Variants in GRM1 observed in about 807,000 individuals in gnomAD.
GRM1 encodes metabotropic glutamate receptor 1.
In GRM1, 33 loss-of-function variants were observed where a neutral mutation model predicts 90.9. The ratio of observed to expected loss-of-function variants is 0.36; its 90% CI spans 0.28 to 0.49. GRM1 has a LOEUF of 0.49. Ranked by LOEUF, GRM1 falls within the 20% of genes least tolerant of loss-of-function variation. The pLI is 0.99. For synonymous variants in GRM1, 700 were observed against 613.2 expected (o/e 1.14, Z -2.09); for missense variants, 1,190 against 1,534.3 (o/e 0.78, Z 3.75).
chr6:146,365,461 C>T (rs961628045), intron 5 of GRM1: 5 of 152,222 alleles, frequency 3.3e-5, no homozygotes, highest in African/African-American at 1.2e-4. Flanking sequence ...GGGACAGATC[C>T]CCATGGAGAA....
intron 2 of GRM1, among the ~76,000 whole-genome samples, chr6:146,276,037 G>A (rs529768733): frequency 1.2e-4 from 18 of 152,206 alleles, no homozygotes; most frequent in African/African-American, 3.4e-4. Context: ...AATCATTAAT[G>A]TTATATCAAG....
chr6:146,217,330 C>T (rs963646149), intron 2 of GRM1, among the ~76,000 whole-genome samples: 2 of 152,116 alleles, frequency 1.3e-5, no homozygotes, highest in African/African-American at 4.8e-5. Context: ...AAATTTGTTG[C>T]CCAGAGAGCA....
intron 1 of GRM1, among the ~76,000 whole-genome samples, chr6:146,084,746 A>G (rs954441067): frequency 6.6e-6 from 1 of 152,182 alleles, no homozygotes; most frequent in Non-Finnish European, 1.5e-5. Flanking sequence ...GTAGATGTCT[A>G]TTAGGTCCAT....
At chr6:146,124,360 T>C (rs979546847) in intron 1 of GRM1, among the ~76,000 whole-genome samples, 1 of 152,204 alleles carries the variant, frequency 6.6e-6, no homozygotes, top group Non-Finnish European at 1.5e-5. Context: ...TCATTGCTGA[T>C]TTCGAAGAGG....
At chr6:146,253,538 C>A (rs1162577756) in intron 2 of GRM1, among the ~76,000 whole-genome samples, 1 of 152,170 alleles carries the variant, frequency 6.6e-6, no homozygotes, top group East Asian at 1.9e-4. Flanking sequence ...TTTTATATAT[C>A]TTAAGAGTTC....
intron 1 of GRM1, among the ~76,000 whole-genome samples, chr6:146,047,393 T>A (rs1210511334): frequency 6.6e-6 from 1 of 151,930 alleles, no homozygotes; most frequent in Non-Finnish European, 1.5e-5. Flanking sequence ...ACAGTCCATT[T>A]ACATTTCCAG....
chr6:146,038,948 C>T (rs920492371), intron 1 of GRM1, among the ~76,000 whole-genome samples: 5 of 151,072 alleles, frequency 3.3e-5, no homozygotes, highest in Non-Finnish European at 5.9e-5. Flanking sequence ...CCTTTTTTTT[C>T]GATAAATAAA....
In GRM1 at chr6:146,137,033, A is replaced by T. The variant is rs1239324454; in HGVS notation, c.701-22315A>T. 2.0e-5 allele frequency among the ~76,000 whole-genome samples: 3 copies of T among 151,806 alleles called. No individual in the cohort carries two copies. The East Asian group carries it at 5.8e-4, about 29-fold the overall frequency. ...ACACCCGGCTAATTTTTGTATTTTTAGTAGAGACAGGGTTTCGCCATGTTG... is the reference window on the plus strand; with the variant it reads ...ACACCCGGCTAATTTTTGTATTTTTTGTAGAGACAGGGTTTCGCCATGTTG... On this transcript the variant is annotated intron_variant, in intron 1 of 7. Coordinates refer to ENST00000282753, the MANE Select transcript of GRM1 (RefSeq NM_001278064.2).
chr6:146,276,792 A>G (rs1221110340), intron 2 of GRM1, among the ~76,000 whole-genome samples: 2 of 152,152 alleles, frequency 1.3e-5, no homozygotes, highest in African/African-American at 4.8e-5. Context: ...TTTTATCTTA[A>G]TGTTCTTGAG....
chr6:146,322,650 G>A (rs1784242293), intron 3 of GRM1, among the ~76,000 whole-genome samples: 3 of 147,370 alleles, frequency 2.0e-5, no homozygotes, highest in South Asian at 2.1e-4. Flanking sequence ...TGTGCACAAC[G>A]TGCAGGTTTG....
At chr6:146,332,877 G>A (rs1027850323) in intron 3 of GRM1, among the ~76,000 whole-genome samples, 1 of 152,112 alleles carries the variant, frequency 6.6e-6, no homozygotes, top group Non-Finnish European at 1.5e-5. Context: ...CTCTCAGAGG[G>A]TTAGTTCCTG....
At chr6:146,064,015 A>G (rs931220329) in intron 1 of GRM1, among the ~76,000 whole-genome samples, 5 of 152,178 alleles carry the variant, frequency 3.3e-5, no homozygotes, top group African/African-American at 1.2e-4. Context: ...AGATAACTAG[A>G]ATCTCTCCTA....
intron 2 of GRM1, among the ~76,000 whole-genome samples, chr6:146,237,235 G>A (rs1780680550): frequency 6.6e-6 from 1 of 151,966 alleles, no homozygotes; most frequent in Non-Finnish European, 1.5e-5. Flanking sequence ...TCAGCTTTCT[G>A]TATAGCAGGA....
chr6:146,312,074 G>T (rs1783790505), intron 3 of GRM1, among the ~76,000 whole-genome samples: 1 of 152,032 alleles, frequency 6.6e-6, no homozygotes, highest in Admixed American at 6.5e-5. Context: ...TGGTGCGGTG[G>T]CTCACGCCTG....
intron 7 of GRM1, among the ~76,000 whole-genome samples, chr6:146,419,575 A>G (rs1010329656): frequency 1.3e-5 from 2 of 152,196 alleles, no homozygotes; most frequent in African/African-American, 4.8e-5. Context: ...ACCTGAGACT[A>G]GGTAATTTAT....
rs573949326 is a variant in GRM1 at position 146,063,167 on chromosome 6, G to A, written c.700+32950G>A. ...GGTTGGAGAGCAGGCTGATTTCAGC[G>A]CACCCAGCATAGGCTCCAGTGCAAA... is the stretch of plus-strand genomic sequence containing the variant. On this transcript the variant is annotated intron_variant, in intron 1 of 7. Transcript: ENST00000282753. 1.6e-4 allele frequency among the ~76,000 whole-genome samples: 25 copies of A among 152,282 alleles called. No individual in the cohort carries two copies. The South Asian group carries it at 1.9e-3, about 11-fold the overall frequency.
chr6:146,422,002 G>A (rs1778012432), intron 7 of GRM1, among the ~76,000 whole-genome samples: 1 of 152,120 alleles, frequency 6.6e-6, no homozygotes, highest in African/African-American at 2.4e-5. Flanking sequence ...AAAATAGACT[G>A]TACCCTGCTA....
At chr6:146,121,174 A>G (rs2034955775) in intron 1 of GRM1, among the ~76,000 whole-genome samples, 1 of 152,076 alleles carries the variant, frequency 6.6e-6, no homozygotes, top group South Asian at 2.1e-4. Context: ...GGGAGGGTGT[A>G]TGTGTCCAGG....
chr6:146,126,654 T>C (rs1326670204), intron 1 of GRM1, among the ~76,000 whole-genome samples: 1 of 152,152 alleles, frequency 6.6e-6, no homozygotes, highest in Non-Finnish European at 1.5e-5. Flanking sequence ...TTTTAATCAT[T>C]AAGGGACAGG....
Sources: gnomAD v4.1 joint callset for allele counts (sites outside exome capture counted in the v4.1 genomes callset) on GRCh38, gnomAD v4.1.1 for gene constraint, MANE v1.5 for transcripts, NCBI Gene and HGNC (gene_info 2026-07-23, HGNC 2026-07-21) for gene names.